ACOXL: variants seen among roughly 807,000 people sequenced by gnomAD.
The protein encoded by ACOXL is acyl-CoA oxidase like.
ACOXL carries 70 observed loss-of-function variants against 71.9 expected under a neutral mutation model. That is an observed-to-expected ratio of 0.97 (90% CI 0.80 to 1.19). ACOXL has a LOEUF of 1.19. Ranked by LOEUF, ACOXL falls within the 50% of genes most tolerant of loss-of-function variation. The pLI is 0.00. For synonymous variants in ACOXL, 253 were observed against 281.6 expected (o/e 0.90, Z 1.02); for missense variants, 703 against 736.3 (o/e 0.95, Z 0.52).
intron 14 of ACOXL, among the ~76,000 whole-genome samples, chr2:111,026,401 C>T (rs1274699718): frequency 6.6e-6 from 1 of 151,854 alleles, no homozygotes; most frequent in Non-Finnish European, 1.5e-5. Context: ...GTTCTCTGAC[C>T]TATGAACACA....
chr2:110,921,386 C>CCT (rs2060063922), intron 11 of ACOXL, among the ~76,000 whole-genome samples: 1 of 112,920 alleles, frequency 8.9e-6, no homozygotes, highest in Non-Finnish European at 1.8e-5. Context: ...CTCTATATAT[C>CCT]CACCCCCCCC....
At chr2:110,783,544 G>T (rs986843839) in intron 2 of ACOXL, among the ~76,000 whole-genome samples, 1 of 152,192 alleles carries the variant, frequency 6.6e-6, no homozygotes, top group Non-Finnish European at 1.5e-5. Context: ...TTTAGCCAGT[G>T]TGGAAACTGA....
chr2:110,784,835 T>C lies in ACOXL; in HGVS notation c.159+20T>C, dbSNP rs757414173. 26 of 1,585,452 alleles carry C rather than the reference T, an allele frequency of 1.6e-5. No individual in the cohort carries two copies. The highest frequency in any genetic ancestry group is 4.1e-5 in the African/African-American group (3 of 72,984). ...GTGAAGGTGAGAGGCGCCGGGCACC[T>C]GCCCTTCATGAATGCATGCTCGCTT... On this transcript the variant is annotated intron_variant, in intron 3 of 17. Transcript: ENST00000439055.
chr2:110,969,283 T>C (rs1486799083), intron 12 of ACOXL, among the ~76,000 whole-genome samples: 5 of 151,928 alleles, frequency 3.3e-5, no homozygotes, highest in African/African-American at 7.3e-5. Flanking sequence ...AAGAGCAAAA[T>C]AAGTAGAAAC....
At position 110,987,836 on chromosome 2, in the gene ACOXL, G is replaced by C. The variant is rs541285447; in HGVS notation, c.1169+619G>C. Reference sequence around the variant, plus strand: ...ACTGTACTTACCCATTCTAATCTCTGATATCTTGGACATTTGGGTTGTGTA... The same window carrying C: ...ACTGTACTTACCCATTCTAATCTCTCATATCTTGGACATTTGGGTTGTGTA... On this transcript the variant is annotated intron_variant, in intron 13 of 17. Transcript: ENST00000439055. Among the ~76,000 whole-genome samples the C allele has an allele frequency of 5.2e-4, 79 of 152,170 alleles. No individual in the cohort carries two copies. The Middle Eastern group carries it at 0.014, about 26-fold the overall frequency.
chr2:110,977,098 C>A (rs1402100071), intron 12 of ACOXL, among the ~76,000 whole-genome samples: 2 of 152,072 alleles, frequency 1.3e-5, no homozygotes, highest in African/African-American at 4.8e-5. Flanking sequence ...AAAAAATATT[C>A]TCTCCCGGCT....
chr2:110,856,649 A>G (rs1256228770), intron 10 of ACOXL, among the ~76,000 whole-genome samples: 1 of 152,254 alleles, frequency 6.6e-6, no homozygotes, highest in Non-Finnish European at 1.5e-5. Flanking sequence ...AAATTGTAAA[A>G]GGTACAGCCA....
intron 12 of ACOXL, among the ~76,000 whole-genome samples, chr2:110,975,298 A>G (rs1398849469): frequency 6.6e-6 from 1 of 152,216 alleles, no homozygotes; most frequent in East Asian, 1.9e-4. Context: ...TCAAGACAGA[A>G]GTTGAAAGAC....
At chr2:111,065,998 C>A (rs935026358) in intron 16 of ACOXL, among the ~76,000 whole-genome samples, 1 of 152,132 alleles carries the variant, frequency 6.6e-6, no homozygotes, top group African/African-American at 2.4e-5. Context: ...ACATGCTTAC[C>A]ATACAGCCCA....
chr2:110,861,511 C>A (rs780773463), intron 10 of ACOXL, among the ~76,000 whole-genome samples: 1 of 152,090 alleles, frequency 6.6e-6, no homozygotes, highest in African/African-American at 2.4e-5. Flanking sequence ...CTATTCCCCC[C>A]ACTTCCCCTC....
chr2:111,081,315 C>G (rs1045703866), intron 16 of ACOXL, among the ~76,000 whole-genome samples: 1 of 152,206 alleles, frequency 6.6e-6, no homozygotes, highest in African/African-American at 2.4e-5. Context: ...TAAGCAACTT[C>G]AGCAAAGTCT....
chr2:110,995,848 G>C, intron 13 of ACOXL, 45 bp from the exon 14 acceptor site: 2 of 1,476,130 alleles, frequency 1.4e-6, no homozygotes, highest in Non-Finnish European at 1.9e-6. Context: ...TGAAATTCTT[G>C]GTGAGGCCAA....
intron 16 of ACOXL, among the ~76,000 whole-genome samples, chr2:111,081,562 G>A (rs1048555726): frequency 6.6e-6 from 1 of 152,152 alleles, no homozygotes; most frequent in African/African-American, 2.4e-5. Flanking sequence ...CTCCTGGATA[G>A]GAAGAATCAA....
chr2:111,109,504 G>T (rs2150075290), intron 17 of ACOXL, among the ~76,000 whole-genome samples: 1 of 151,222 alleles, frequency 6.6e-6, no homozygotes, highest in African/African-American at 2.4e-5. Context: ...CAAGATTATT[G>T]ATTTTTGTTC....
At chr2:110,989,041 A>G (rs1242038183) in intron 13 of ACOXL, among the ~76,000 whole-genome samples, 1 of 152,118 alleles carries the variant, frequency 6.6e-6, no homozygotes, top group African/African-American at 2.4e-5. Flanking sequence ...GAACTTATCA[A>G]TCTTTTCTTT....
At chr2:110,965,954 G>A (rs1003590182) in intron 12 of ACOXL, among the ~76,000 whole-genome samples, 11 of 152,172 alleles carry the variant, frequency 7.2e-5, no homozygotes, top group Non-Finnish European at 1.6e-4. Flanking sequence ...AAGGGACCAG[G>A]AAGATGGTGG....
chr2:111,040,040 T>G (rs1056356107), intron 15 of ACOXL, among the ~76,000 whole-genome samples: 2 of 152,174 alleles, frequency 1.3e-5, no homozygotes, highest in African/African-American at 4.8e-5. Context: ...AAAATAAATT[T>G]TATGCAAACC....
At chr2:111,005,081 A>C (rs1292022134) in intron 14 of ACOXL, among the ~76,000 whole-genome samples, 1 of 152,244 alleles carries the variant, frequency 6.6e-6, no homozygotes, top group Non-Finnish European at 1.5e-5. Context: ...AAGGATGAGA[A>C]TACAGATGGA....
intron 13 of ACOXL, among the ~76,000 whole-genome samples, chr2:110,993,616 C>T (rs1373751522): frequency 6.6e-6 from 1 of 152,086 alleles, no homozygotes; most frequent in Non-Finnish European, 1.5e-5. Flanking sequence ...TTTTTGTGAG[C>T]ATATGTTTTT....
Sources: allele counts gnomAD v4.1 joint callset (sites outside exome capture counted in the v4.1 genomes callset), GRCh38; gene constraint gnomAD v4.1.1; transcripts MANE v1.5; gene names NCBI Gene and HGNC (gene_info 2026-07-23, HGNC 2026-07-21).